CYB5R3: variants seen among roughly 807,000 people sequenced by gnomAD.
The protein encoded by CYB5R3 is NADH-cytochrome b5 reductase 3.
CYB5R3 carries 28 observed loss-of-function variants against 36.5 expected under a neutral mutation model. The ratio of observed to expected loss-of-function variants is 0.77; its 90% CI spans 0.57 to 1.05. The LOEUF is 1.05. CYB5R3 is among the 50% of genes least tolerant of loss of function. CYB5R3 has a pLI of 0.00. For synonymous variants in CYB5R3, 181 were observed against 159.8 expected (o/e 1.13, Z -1.00); for missense variants, 474 against 408.9 (o/e 1.16, Z -1.37).
At chr22:42,641,242 T>C (rs905784151) in intron 1 of CYB5R3, among the ~76,000 whole-genome samples, 6 of 152,226 alleles carry the variant, frequency 3.9e-5, no homozygotes, top group Admixed American at 2.6e-4. Flanking sequence ...AAATATGTTA[T>C]TGGTAAGGCT....
Position 42,619,539 on chromosome 22 carries a change from G to T in CYB5R3, c.*234C>A. 1 of 582,678 alleles carries T rather than the reference G, an allele frequency of 1.7e-6. No individual in the cohort carries two copies. The highest frequency in any genetic ancestry group is 3.1e-6 in the Non-Finnish European group (1 of 325,646). The allele number at this position is 582,678 out of a possible 1,614,324, so 36.1% of individuals were successfully genotyped here. A position where few individuals can be genotyped will look rare whatever the true frequency, so the allele number is the denominator to read the frequency against. On this transcript the variant is annotated 3_prime_UTR_variant, in exon 9 of 9. Coordinates refer to ENST00000352397, the MANE Select transcript of CYB5R3 (RefSeq NM_000398.7). ...GGATGGGGCTGGGCGTCTCTGGTAA[G>T]GACCAGTAAGTGCCAGGCAGGACGT... is the stretch of plus-strand genomic sequence containing the variant.
chr22:42,623,646 G>T, intron 8 of CYB5R3, 143 bp downstream of exon 8: 1 of 682,538 alleles, frequency 1.5e-6, no homozygotes, highest in Non-Finnish European at 2.6e-6. Context: ...TCATCTGTGA[G>T]ACGGGGCCAC....
At chr22:42,642,310 C>T (rs1011713560) in intron 1 of CYB5R3, among the ~76,000 whole-genome samples, 1 of 152,138 alleles carries the variant, frequency 6.6e-6, no homozygotes, top group Non-Finnish European at 1.5e-5. Flanking sequence ...GATGCGGTTT[C>T]ACCATGTTGC....
rs1387357093 is a variant in CYB5R3, at chr22:42,619,042, GGGATGGT to G, written c.*724_*730del. On this transcript the variant is annotated 3_prime_UTR_variant, in exon 9 of 9. Coordinates refer to ENST00000352397, the MANE Select transcript of CYB5R3 (RefSeq NM_000398.7). ...TGTGGTTGTGGGAGTTCTGCCATCA[GGGATGGT>G]GGCCCCAGCCCAGGACCCCAAAACC... 6.5e-6 allele frequency: 1 copy of G among 152,712 alleles called. No homozygotes were observed. The highest frequency in any genetic ancestry group is 1.5e-5 in the Non-Finnish European group (1 of 68,430). 9.5% of individuals were successfully genotyped at this position (152,712 alleles called of 1,614,324 possible).
chr22:42,638,117 C>A lies in CYB5R3; in HGVS notation c.22-1271G>T, dbSNP rs573504989. On this transcript the variant is annotated intron_variant, in intron 1 of 8. Coordinates refer to ENST00000352397, the MANE Select transcript of CYB5R3 (RefSeq NM_000398.7). The stretch of plus-strand genomic sequence containing the variant: ...TATAAAAAGTTAGCTGGTTGTAGGC[C>A]CGGTGCAGTGGCTCACGCCTATAAT... Among the ~76,000 whole-genome samples, 3 of 151,560 alleles carry A rather than the reference C, an allele frequency of 2.0e-5. No individual in the cohort carries two copies. In the South Asian group the frequency reaches 6.3e-4, roughly 32 times the overall value.
chr22:42,643,052 A>G (rs114082318), intron 1 of CYB5R3, among the ~76,000 whole-genome samples: 149 of 152,266 alleles, frequency 9.8e-4, no homozygotes, highest in African/African-American at 3.5e-3. Flanking sequence ...TTGAGGTAGT[A>G]TATCCTGCAG....
chr22:42,642,729 C>T (rs1929345410), intron 1 of CYB5R3, among the ~76,000 whole-genome samples: 1 of 152,234 alleles, frequency 6.6e-6, no homozygotes, highest in Admixed American at 6.5e-5. Flanking sequence ...TGAGCCACCT[C>T]GCCCGGCCAG....
chr22:42,627,514 C>G (rs1928343620), intron 6 of CYB5R3, 91 bp downstream of exon 6: 1 of 1,462,578 alleles, frequency 6.8e-7, no homozygotes, highest in Non-Finnish European at 9.6e-7. Flanking sequence ...CCTCTGGTAG[C>G]TCCCAGGCAC....
At chr22:42,647,644 AG>A (rs1929593397) in intron 1 of CYB5R3, among the ~76,000 whole-genome samples, 1 of 152,124 alleles carries the variant, frequency 6.6e-6, no homozygotes, top group African/African-American at 2.4e-5. Context: ...GCTGGAGCCC[AG>A]GAAGTGGAGG....
rs150048774 is a variant in CYB5R3 at position 42,628,139 on chromosome 22, C to T, written c.463+13G>A. 1,445 of 1,613,748 alleles carry T rather than the reference C, an allele frequency of 9.0e-4. 8 individuals carry two copies. The Middle Eastern group carries it at 0.016, about 18-fold the overall frequency. On this transcript the variant is annotated intron_variant, in intron 5 of 8. Coordinates refer to ENST00000352397, the MANE Select transcript of CYB5R3 (RefSeq NM_000398.7). ...AGCCTGCCGTGTAACCAAGGGATTC[C>T]GACCCGAATCACCTTTGCCCTGGTA...
intron 1 of CYB5R3, among the ~76,000 whole-genome samples, chr22:42,645,385 G>A (rs916321): frequency 0.32 from 48,730 of 152,092 alleles, 8,565 homozygotes; most frequent in South Asian, 0.45. Flanking sequence ...GGATGAGGGC[G>A]CGGCACAGCC....
rs139534909 is a variant in CYB5R3 at position 42,627,379 on chromosome 22, C to T, written c.558G>A (p.Pro186=). 1,076 of 1,613,700 alleles carry T rather than the reference C, an allele frequency of 6.7e-4. No individual in the cohort carries two copies. Among genetic ancestry groups the T allele is most frequent in the South Asian group, 8.2e-4 (75 of 91,074 alleles). Residue 186 remains proline, a synonymous_variant, in exon 7 of 9, where the codon CCG becomes CCA. Coordinates refer to ENST00000352397, the MANE Select transcript of CYB5R3 (RefSeq NM_000398.7). ...TGATGGCGCGGATCACCTGCAGCAT[C>T]GGGGTGATGCCTGCAAAATAGCCGG... is the stretch of plus-strand genomic sequence containing the variant. The part of the protein sequence containing the change: ...GMIAGGTGIT[P]MLQVIRAIMK...
chr22:42,621,181 T>TGTGTGTGTGTGTG (rs1206839780), intron 8 of CYB5R3, among the ~76,000 whole-genome samples: 1 of 127,972 alleles, frequency 7.8e-6, no homozygotes, highest in African/African-American at 3.3e-5. Flanking sequence ...CGATTTCTTT[T>TGTGTGTGTGTGTG]TAGTGTGTGT....
chr22:42,649,225 C>G, intron 1 of CYB5R3, 70 bp downstream of exon 1: 2 of 659,434 alleles, frequency 3.0e-6, no homozygotes, highest in Non-Finnish European at 3.9e-6. Context: ...CGCAGGCCAG[C>G]CCGCCCCCTC....
intron 7 of CYB5R3, among the ~76,000 whole-genome samples, chr22:42,625,665 G>A (rs1928229130): frequency 6.6e-6 from 1 of 152,038 alleles, no homozygotes; most frequent in Non-Finnish European, 1.5e-5. Flanking sequence ...GAGGGTAGGG[G>A]GCTCCCAGCT....
intron 4 of CYB5R3, among the ~76,000 whole-genome samples, chr22:42,629,710 T>C (rs768960123): frequency 2.0e-5 from 3 of 152,184 alleles, no homozygotes; most frequent in Non-Finnish European, 2.9e-5. Context: ...GGGGAGGCTA[T>C]AGGGCTTTGG....
chr22:42,619,747 G>C lies in CYB5R3; in HGVS notation c.*26C>G, dbSNP rs563620991. On this transcript the variant is annotated 3_prime_UTR_variant, in exon 9 of 9. Coordinates refer to ENST00000352397, the MANE Select transcript of CYB5R3 (RefSeq NM_000398.7). ...AACAGGGCGTGGGGTGCGCGGGGCG[G>C]GTGGCCGTGTGACCGTGCCCGGCCC... 4.5e-6 allele frequency: 7 copies of C among 1,549,284 alleles called. No homozygotes were observed. The South Asian group carries it at 8.3e-5, about 18-fold the overall frequency.
Position 42,636,825 on chromosome 22 carries a change from G to A in CYB5R3, c.43C>T (p.Pro15Ser), listed in dbSNP as rs1169793223. Residue 15 changes from proline to serine, a missense_variant, in exon 2 of 9, where the codon CCA becomes TCA. By Grantham distance (74) the Pro-to-Ser change is moderately conservative. Coordinates refer to ENST00000352397, the MANE Select transcript of CYB5R3 (RefSeq NM_000398.7). ...AGCAGACTGTACAGGAACCAGACTG[G>A]GAAGAGCACCATATGGCCCAACTGA... ...LSTLGHMVLF[P>S]VWFLYSLLMK... is the part of the protein sequence containing the mutation. 6.2e-7 allele frequency: 1 copy of A among 1,613,850 alleles called. No individual in the cohort carries two copies. The highest frequency in any genetic ancestry group is 8.5e-7 in the Non-Finnish European group (1 of 1,180,016).
At position 42,619,740 on chromosome 22, in the gene CYB5R3, C is replaced by T. The variant is rs377418222; in HGVS notation, c.*33G>A. 59 of 1,540,510 alleles carry T rather than the reference C, an allele frequency of 3.8e-5. No homozygotes were observed. The East Asian group carries it at 4.0e-4, about 11-fold the overall frequency. Reference sequence around the variant, plus strand: ...GAGCGTGAACAGGGCGTGGGGTGCGCGGGGCGGGTGGCCGTGTGACCGTGC... The same window carrying T: ...GAGCGTGAACAGGGCGTGGGGTGCGTGGGGCGGGTGGCCGTGTGACCGTGC... On this transcript the variant is annotated 3_prime_UTR_variant, in exon 9 of 9. Coordinates refer to ENST00000352397, the MANE Select transcript of CYB5R3 (RefSeq NM_000398.7).
Sources: gnomAD v4.1 joint callset for allele counts (sites outside exome capture counted in the v4.1 genomes callset) on GRCh38, gnomAD v4.1.1 for gene constraint, MANE v1.5 for transcripts, NCBI Gene and HGNC (gene_info 2026-07-23, HGNC 2026-07-21) for gene names.